TM9SF3: variants seen among roughly 807,000 people sequenced by gnomAD.
TM9SF3 encodes the protein transmembrane 9 superfamily member 3.
A neutral mutation model predicts 78.6 loss-of-function variants in TM9SF3; 14 were observed. That is an observed-to-expected ratio of 0.18 (90% CI 0.12 to 0.28). The LOEUF is 0.28. Among genes scored for constraint, TM9SF3 ranks in the 10% least tolerant of loss-of-function variants. The pLI is 1.00. For missense variants in TM9SF3, 496 were observed against 721.9 expected (o/e 0.69, Z 3.59); for synonymous variants, 231 against 241.7 (o/e 0.96, Z 0.41).
chr10:96,558,909 T>C (rs1292208080), intron 5 of TM9SF3, among the ~76,000 whole-genome samples: 1 of 152,190 alleles, frequency 6.6e-6, no homozygotes, highest in Admixed American at 6.5e-5. Context: ...CCCTTATGCC[T>C]TGTCTTTTTA....
rs1184197215 is a variant in TM9SF3 at position 96,559,560 on chromosome 10, A to C, written c.660+99T>G. On this transcript the variant is annotated intron_variant, in intron 5 of 14. Transcript: ENST00000371142. ...CACCATTAGCTAAATCTTTTAATCC[A>C]CAGTCCTCAACACAGTGCCCTGCAA... 19 of 726,232 alleles carry C rather than the reference A, an allele frequency of 2.6e-5. 1 individual carries two copies. The highest frequency in any genetic ancestry group is 3.7e-5 in the Non-Finnish European group (18 of 486,928). The allele number at this position is 726,232 out of a possible 1,614,324, so 45.0% of individuals were successfully genotyped here.
At chr10:96,576,867 A>AAAC in intron 1 of TM9SF3, 38 bp from the exon 2 acceptor site, 3 of 1,434,498 alleles carry the variant, frequency 2.1e-6, no homozygotes, top group Non-Finnish European at 2.8e-6. Flanking sequence ...AAAAAAAAAA[A>AAAC]ACACACTAAT....
chr10:96,554,129 C>T (rs1028792641), intron 5 of TM9SF3, among the ~76,000 whole-genome samples: 1 of 152,130 alleles, frequency 6.6e-6, no homozygotes, highest in African/African-American at 2.4e-5. Context: ...GATGTCTACT[C>T]CCTGGGGTTG....
intron 3 of TM9SF3, among the ~76,000 whole-genome samples, chr10:96,562,892 T>C (rs928810178): frequency 2.6e-5 from 4 of 152,222 alleles, no homozygotes; most frequent in Admixed American, 2.0e-4. Flanking sequence ...CAGTTCCCAA[T>C]AGCTTTATGC....
chr10:96,534,639 G>A (rs1847934755), intron 9 of TM9SF3, among the ~76,000 whole-genome samples: 2 of 152,128 alleles, frequency 1.3e-5, no homozygotes, highest in Admixed American at 1.3e-4. Context: ...GAATTACATG[G>A]TCTAGAAGAA....
At chr10:96,569,799 C>T (rs867884417) in intron 2 of TM9SF3, among the ~76,000 whole-genome samples, 9 of 152,166 alleles carry the variant, frequency 5.9e-5, no homozygotes, top group Middle Eastern at 6.8e-3. Flanking sequence ...TTTGGGAGGC[C>T]GAGGCAGGCA....
chr10:96,527,654 G>A, intron 12 of TM9SF3, 158 bp from the exon 13 acceptor site: 1 of 585,880 alleles, frequency 1.7e-6, no homozygotes, highest in Non-Finnish European at 2.9e-6. Flanking sequence ...TTATCAACAA[G>A]GAAAACATCT....
chr10:96,533,249 A>G, intron 9 of TM9SF3, 59 bp from the exon 10 acceptor site: 2 of 1,534,838 alleles, frequency 1.3e-6, no homozygotes, highest in Admixed American at 2.0e-5. Context: ...ATATAAACAA[A>G]TAAAAGAGAC....
intron 4 of TM9SF3, among the ~76,000 whole-genome samples, chr10:96,561,234 T>A (rs1314090264): frequency 2.2e-5 from 3 of 138,928 alleles, no homozygotes; most frequent in African/African-American, 5.1e-5. Context: ...AGCTGCTCAA[T>A]AAATATTTGA....
chr10:96,564,167 C>T (rs959987601), intron 3 of TM9SF3, among the ~76,000 whole-genome samples: 8 of 151,594 alleles, frequency 5.3e-5, no homozygotes, highest in Admixed American at 4.6e-4. Flanking sequence ...TGGGGTGCAC[C>T]GGTAGTCCCA....
At chr10:96,530,701 A>G in intron 10 of TM9SF3, 93 bp from the exon 11 acceptor site, 1 of 1,156,018 alleles carries the variant, frequency 8.7e-7, no homozygotes, top group South Asian at 1.5e-5. Flanking sequence ...ACACTTAAAA[A>G]ATCATCTCTA....
intron 1 of TM9SF3, among the ~76,000 whole-genome samples, chr10:96,583,551 C>T (rs1048304458): frequency 6.6e-6 from 1 of 152,064 alleles, no homozygotes; most frequent in Admixed American, 6.5e-5. Context: ...GAGCATATGG[C>T]GGCTCACAGT....
intron 7 of TM9SF3, among the ~76,000 whole-genome samples, chr10:96,548,569 G>A (rs1029112969): frequency 7.9e-5 from 12 of 152,072 alleles, no homozygotes; most frequent in African/African-American, 2.9e-4. Context: ...AAGCCAAGGT[G>A]GGCAGATCAC....
At chr10:96,585,595 A>G (rs930765638) in intron 1 of TM9SF3, among the ~76,000 whole-genome samples, 5 of 152,240 alleles carry the variant, frequency 3.3e-5, no homozygotes, top group African/African-American at 1.2e-4. Context: ...AGCTTTTATT[A>G]GCTAAAATAA....
At position 96,527,310 on chromosome 10, in the gene TM9SF3, T is replaced by C. The variant is rs1159411831; in HGVS notation, c.1626-21A>G. The C allele has an allele frequency of 3.1e-6, 5 of 1,601,900 alleles. No individual in the cohort carries two copies. The Admixed American group carries it at 6.7e-5, about 22-fold the overall frequency. ...ACATCCTGAAATAAAACAAAATATA[T>C]ATAGGATATCCAGTTTTACTTTCAA... On this transcript the variant is annotated intron_variant, in intron 13 of 14. Transcript: ENST00000371142.
intron 1 of TM9SF3, among the ~76,000 whole-genome samples, chr10:96,586,099 G>A (rs1006754350): frequency 2.0e-5 from 3 of 152,202 alleles, no homozygotes; most frequent in Non-Finnish European, 4.4e-5. Context: ...GGAAGGTGAG[G>A]AGAAAGTTAC....
chr10:96,527,184 C>T (rs751399551), intron 14 of TM9SF3, 29 bp downstream of exon 14: 1 of 1,573,180 alleles, frequency 6.4e-7, no homozygotes, highest in East Asian at 2.2e-5. Flanking sequence ...CAGATTTACT[C>T]ATGATGTTCA....
intron 2 of TM9SF3, among the ~76,000 whole-genome samples, chr10:96,574,024 A>G (rs1848469149): frequency 6.6e-6 from 1 of 152,244 alleles, no homozygotes. Context: ...GGCAGACTTC[A>G]TGTCTAAAAC....
intron 8 of TM9SF3, among the ~76,000 whole-genome samples, chr10:96,547,020 C>T (rs1848109515): frequency 6.6e-6 from 1 of 152,094 alleles, no homozygotes; most frequent in Non-Finnish European, 1.5e-5. Context: ...AAAAAAACAC[C>T]AAGGAGCAGT....
Sources: allele counts gnomAD v4.1 joint callset (sites outside exome capture counted in the v4.1 genomes callset), GRCh38; gene constraint gnomAD v4.1.1; transcripts MANE v1.5; gene names NCBI Gene and HGNC (gene_info 2026-07-23, HGNC 2026-07-21).